The following FAM210A variants were observed in gnomAD, a reference collection of about 807,000 sequenced individuals.
The protein encoded by FAM210A is mitochondrial inner membrane scaffold 1.
FAM210A carries 13 observed loss-of-function variants against 25.3 expected under a neutral mutation model. The observed-to-expected ratio is 0.51, with a 90% CI of 0.33 to 0.82. The LOEUF (loss-of-function observed/expected upper bound fraction) is 0.82. Among genes scored for constraint, FAM210A ranks in the 40% least tolerant of loss-of-function variants. The pLI is 0.02. For synonymous variants in FAM210A, 125 were observed against 118.7 expected (o/e 1.05, Z -0.35); for missense variants, 319 against 323.2 (o/e 0.99, Z 0.10).
At position 13,665,095 on chromosome 18, in the gene FAM210A, T is replaced by C. The variant is rs2043388885; in HGVS notation, c.*1385A>G. On this transcript the variant is annotated 3_prime_UTR_variant, in exon 4 of 4. Coordinates refer to ENST00000651643, the MANE Select transcript of FAM210A (RefSeq NM_152352.4). ...TGTTAAGATGGTGAAACCCCATCTC[T>C]ACTAAAAATACAAAAAAATTAGCTG... 6.6e-6 allele frequency: 1 copy of C among 152,336 alleles called. No individual in the cohort carries two copies. The highest frequency in any genetic ancestry group is 1.5e-5 in the Non-Finnish European group (1 of 68,072). 9.4% of individuals were successfully genotyped at this position (152,336 alleles called of 1,614,324 possible). A position where few individuals can be genotyped will look rare whatever the true frequency, so the allele number is the denominator to read the frequency against.
intron 1 of FAM210A, among the ~76,000 whole-genome samples, chr18:13,724,018 AT>A (rs1178141478): frequency 6.6e-6 from 1 of 152,196 alleles, no homozygotes; most frequent in East Asian, 1.9e-4. Flanking sequence ...TGTTTCAAAA[AT>A]ATGATCTTCA....
At chr18:13,713,726 A>ACACACACACACACACACACG (rs1491436332) in intron 1 of FAM210A, among the ~76,000 whole-genome samples, 1 of 2,126 alleles carries the variant, frequency 4.7e-4, no homozygotes, top group African/African-American at 1.3e-3. Flanking sequence ...TCACTATAAA[A>ACACACACACACACACACACG]CACACACACA....
At chr18:13,710,228 G>C (rs2043810855) in intron 1 of FAM210A, 1 of 152,024 alleles carries the variant, frequency 6.6e-6, no homozygotes, top group Non-Finnish European at 1.5e-5. Flanking sequence ...CTGTTGCCCA[G>C]GCTGGAGTAC....
chr18:13,705,624 A>G (rs1023423566), intron 1 of FAM210A, among the ~76,000 whole-genome samples: 1 of 152,100 alleles, frequency 6.6e-6, no homozygotes, highest in Non-Finnish European at 1.5e-5. Flanking sequence ...GGCGTGTGCC[A>G]CCATGCCCAG....
Position 13,666,342 on chromosome 18 carries a change from G to GTAT in FAM210A, c.*135_*137dup. ...TCTAGTGATATTTAACTTTAAAAAG[G>GTAT]TATTTTACTTCTTTAACCCTCAGAG... On this transcript the variant is annotated 3_prime_UTR_variant, in exon 4 of 4. Transcript: ENST00000651643. The GTAT allele has an allele frequency of 1.5e-6, 1 of 649,510 alleles. No homozygotes were observed. Among genetic ancestry groups the GTAT allele is most frequent in the Admixed American group, 2.9e-5 (1 of 33,946 alleles). The allele number at this position is 649,510 out of a possible 1,614,324, so 40.2% of individuals were successfully genotyped here.
chr18:13,686,889 G>A (rs1338080642), intron 1 of FAM210A, among the ~76,000 whole-genome samples: 7 of 152,164 alleles, frequency 4.6e-5, no homozygotes, highest in African/African-American at 1.7e-4. Flanking sequence ...AACAGAGGCA[G>A]AGAAGACTAA....
chr18:13,709,389 C>A (rs2043805051), intron 1 of FAM210A, among the ~76,000 whole-genome samples: 1 of 152,202 alleles, frequency 6.6e-6, no homozygotes, highest in Non-Finnish European at 1.5e-5. Flanking sequence ...GAAAAGGTGC[C>A]TGCTTTAAGA....
chr18:13,722,821 A>G (rs1389111181), intron 1 of FAM210A, among the ~76,000 whole-genome samples: 1 of 150,064 alleles, frequency 6.7e-6, no homozygotes, highest in African/African-American at 2.4e-5. Flanking sequence ...GGGAATTTGA[A>G]GCCTTAAGCT....
chr18:13,696,271 C>A (rs1432889804), intron 1 of FAM210A, among the ~76,000 whole-genome samples: 2 of 152,156 alleles, frequency 1.3e-5, no homozygotes, highest in Non-Finnish European at 2.9e-5. Context: ...GAATAGCCAA[C>A]AAAATACTGG....
At chr18:13,691,280 T>C (rs977923902) in intron 1 of FAM210A, among the ~76,000 whole-genome samples, 1 of 152,158 alleles carries the variant, frequency 6.6e-6, no homozygotes, top group African/African-American at 2.4e-5. Flanking sequence ...CTACGTCTGA[T>C]TGGTGTACCT....
At chr18:13,682,433 TGGTGGGC>T (rs2149057171) in intron 1 of FAM210A, among the ~76,000 whole-genome samples, 1 of 151,698 alleles carries the variant, frequency 6.6e-6, no homozygotes, top group African/African-American at 2.4e-5. Context: ...CCAGGTGTGG[TGGTGGGC>T]ACCTGTAATT....
At chr18:13,724,082 C>T (rs2043916190) in intron 1 of FAM210A, among the ~76,000 whole-genome samples, 1 of 152,108 alleles carries the variant, frequency 6.6e-6, no homozygotes. Flanking sequence ...GAAGTACTCT[C>T]ACTTTCTTAC....
intron 1 of FAM210A, among the ~76,000 whole-genome samples, chr18:13,712,460 A>G (rs938743866): frequency 1.3e-5 from 2 of 152,212 alleles, no homozygotes; most frequent in African/African-American, 4.8e-5. Context: ...TATGATCTGA[A>G]TATTTGTGTC....
intron 1 of FAM210A, among the ~76,000 whole-genome samples, chr18:13,698,074 C>T (rs754314571): frequency 3.3e-5 from 5 of 152,052 alleles, no homozygotes; most frequent in African/African-American, 4.8e-5. Context: ...AAGAACTGGC[C>T]GGGCGTGGTG....
chr18:13,705,175 C>A (rs1430711312), intron 1 of FAM210A, among the ~76,000 whole-genome samples: 4 of 152,150 alleles, frequency 2.6e-5, no homozygotes, highest in Non-Finnish European at 4.4e-5. Context: ...TCAGCTGGTA[C>A]TGAAATTGTT....
chr18:13,697,714 A>T (rs1393021930), intron 1 of FAM210A: 2 of 150,392 alleles, frequency 1.3e-5, no homozygotes, highest in Non-Finnish European at 2.9e-5. Context: ...TCCAACAGTT[A>T]AGTTCTATTC....
In FAM210A at chr18:13,664,471, TA is replaced by T. The variant is rs1216893322; in HGVS notation, c.*2008del. Reference sequence around the variant, plus strand: ...GAAACAAGGAACATGTTTAATATCTTAAAAAACAGCACTTAAACCTGCAAAA... The same window carrying T: ...GAAACAAGGAACATGTTTAATATCTTAAAAACAGCACTTAAACCTGCAAAA... On this transcript the variant is annotated 3_prime_UTR_variant, in exon 4 of 4. Coordinates refer to ENST00000651643, the MANE Select transcript of FAM210A (RefSeq NM_152352.4). 6.6e-6 allele frequency: 1 copy of T among 152,188 alleles called. No individual in the cohort carries two copies. Among genetic ancestry groups the T allele is most frequent in the East Asian group, 1.9e-4 (1 of 5,198 alleles). The allele number at this position is 152,188 out of a possible 1,614,324, so 9.4% of individuals were successfully genotyped here.
intron 1 of FAM210A, among the ~76,000 whole-genome samples, chr18:13,708,243 T>C (rs774996513): frequency 1.3e-5 from 2 of 152,218 alleles, no homozygotes; most frequent in Admixed American, 6.5e-5. Flanking sequence ...AGGATACAGA[T>C]GAACAGCCAG....
intron 1 of FAM210A, chr18:13,715,063 T>TAA (rs977190284): frequency 2.0e-5 from 3 of 152,112 alleles, no homozygotes; most frequent in African/African-American, 7.2e-5. Flanking sequence ...CATATATATA[T>TAA]AATCTTATAC....
Sources: gnomAD v4.1 joint callset for allele counts (sites outside exome capture counted in the v4.1 genomes callset) on GRCh38, gnomAD v4.1.1 for gene constraint, MANE v1.5 for transcripts, NCBI Gene and HGNC (gene_info 2026-07-23, HGNC 2026-07-21) for gene names.